NOP9: variants seen among roughly 807,000 people sequenced by gnomAD.
The protein encoded by NOP9 is nucleolar protein 9.
A neutral mutation model predicts 63.0 loss-of-function variants in NOP9; 50 were observed. The observed-to-expected ratio is 0.79, with a 90% CI of 0.63 to 1.00. The LOEUF is 1.00. Ranked by LOEUF, NOP9 falls within the 50% of genes least tolerant of loss-of-function variation. The pLI is 0.00. For synonymous variants in NOP9, 343 were observed against 332.8 expected, an observed-to-expected ratio of 1.03 and a Z score of -0.33; for missense variants, 758 against 803.0, an observed-to-expected ratio of 0.94 and a Z score of 0.68.
At chr14:24,295,554 A>G (rs2041235316), upstream of NOP9, among the ~76,000 whole-genome samples, 1 of 152,212 alleles carries the variant, frequency 6.6e-6, no homozygotes, top group Non-Finnish European at 1.5e-5. Flanking sequence ...TCAGGGCCCA[A>G]GGTCGAGGGT....
In NOP9 at chr14:24,307,960, C is replaced by T. The variant is rs1443019455; in HGVS notation, c.*2865C>T. 8.9e-7 allele frequency: 1 copy of T among 1,118,378 alleles called. No homozygotes were observed. The allele number at this position is 1,118,378 out of a possible 1,614,324, so 69.3% of individuals were successfully genotyped here. A position where few individuals can be genotyped will look rare whatever the true frequency, so the allele number is the denominator to read the frequency against. On this transcript the variant is annotated 3_prime_UTR_variant, in exon 10 of 10. Coordinates refer to ENST00000267425, the MANE Select transcript of NOP9 (RefSeq NM_174913.3). The stretch of plus-strand genomic sequence containing the variant: ...TCTGTTACAAACCTGGGATCTCAGC[C>T]CAGGACAAGGTGGGAATGAGTCAAG...
At chr14:24,297,446 C>T (rs2041269953), upstream of NOP9, among the ~76,000 whole-genome samples, 1 of 152,206 alleles carries the variant, frequency 6.6e-6, no homozygotes, top group African/African-American at 2.4e-5. Flanking sequence ...AAGAAGAGTC[C>T]TTTATCTAAG....
rs2041518135 is a variant in NOP9 at position 24,306,632 on chromosome 14, T to C, written c.*1537T>C. On this transcript the variant is annotated 3_prime_UTR_variant, in exon 10 of 10. Coordinates refer to ENST00000267425, the MANE Select transcript of NOP9 (RefSeq NM_174913.3). ...CTAGACATTGGTCGATGTCCCACTT[T>C]GACTTTCCGGCACTTTGATACCTCC... 1 of 1,428,608 alleles carries C rather than the reference T, an allele frequency of 7.0e-7. No individual in the cohort carries two copies. 88.5% of individuals were successfully genotyped at this position (1,428,608 alleles called of 1,614,324 possible).
At chr14:24,282,285 G>A in the NOP9 span, among the ~76,000 whole-genome samples, 5 of 152,176 alleles carry the variant, frequency 3.3e-5, no homozygotes, top group African/African-American at 7.2e-5. Flanking sequence ...AGATTTGGTC[G>A]AATCCAGACT....
upstream of NOP9, chr14:24,298,710 G>C (rs1246304824): frequency 1.2e-5 from 5 of 432,302 alleles, no homozygotes; most frequent in Non-Finnish European, 2.1e-5. Context: ...CGGAGTAGCT[G>C]CTGGGACTGC....
At chr14:24,285,179 T>C in the NOP9 span, among the ~76,000 whole-genome samples, 2 of 152,242 alleles carry the variant, frequency 1.3e-5, no homozygotes, top group Non-Finnish European at 2.9e-5. Context: ...GGCATCTCCA[T>C]GTGACATGCA....
chr14:24,288,654 T>C, the NOP9 span, among the ~76,000 whole-genome samples: 1 of 152,056 alleles, frequency 6.6e-6, no homozygotes, highest in African/African-American at 2.4e-5. Flanking sequence ...GACCAGGAAT[T>C]GACAATTTCG....
Position 24,307,007 on chromosome 14 carries a change from T to G in NOP9, c.*1912T>G. The G allele has an allele frequency of 4.0e-6, 1 of 248,566 alleles. No homozygotes were observed. The allele number at this position is 248,566 out of a possible 1,614,324, so 15.4% of individuals were successfully genotyped here. A position where few individuals can be genotyped will look rare whatever the true frequency, so the allele number is the denominator to read the frequency against. ...GAGGTGATGTATTATTATTGCCTTT[T>G]TATAGTTGAAGAAACTGAGGTTTTG... On this transcript the variant is annotated 3_prime_UTR_variant, in exon 10 of 10. Transcript: ENST00000267425.
chr14:24,286,912 CAG>C, the NOP9 span, among the ~76,000 whole-genome samples: 2 of 151,322 alleles, frequency 1.3e-5, no homozygotes, highest in African/African-American at 4.9e-5. Flanking sequence ...TATTTTTAGA[CAG>C]AGTCTTGCTC....
At chr14:24,284,816 C>A in the NOP9 span, among the ~76,000 whole-genome samples, 1 of 152,092 alleles carries the variant, frequency 6.6e-6, no homozygotes, top group African/African-American at 2.4e-5. Flanking sequence ...TGGGCCCAGC[C>A]GCCTGCCTGG....
chr14:24,292,172 C>G, the NOP9 span: 9 of 1,614,120 alleles, frequency 5.6e-6, no homozygotes, highest in Non-Finnish European at 7.6e-6. Context: ...CCTTCGCCCT[C>G]CCCTTGCCAA....
In NOP9 at chr14:24,305,894, T is replaced by C. The variant is rs2041487563; in HGVS notation, c.*799T>C. ...TAGGTGGGTGCAAGAGGACGAATTA[T>C]GGGGACTATCCAACTGTAGGGGATG... On this transcript the variant is annotated 3_prime_UTR_variant, in exon 10 of 10. Transcript: ENST00000267425. The C allele has an allele frequency of 1.3e-6, 2 of 1,589,000 alleles. No individual in the cohort carries two copies. The highest frequency in any genetic ancestry group is 1.7e-6 in the Non-Finnish European group (2 of 1,164,500).
chr14:24,292,409 A>G, the NOP9 span: 2 of 1,582,136 alleles, frequency 1.3e-6, no homozygotes, highest in Admixed American at 1.7e-5. Context: ...TTCTACTGTG[A>G]ATGCTCCACC....
chr14:24,277,485 G>A, the NOP9 span, among the ~76,000 whole-genome samples: 1 of 152,124 alleles, frequency 6.6e-6, no homozygotes, highest in Non-Finnish European at 1.5e-5. Context: ...AGGGTGTGGG[G>A]TGGAGAAGCC....
the NOP9 span, among the ~76,000 whole-genome samples, chr14:24,286,103 G>T: frequency 3.3e-5 from 5 of 152,224 alleles, no homozygotes; most frequent in African/African-American, 1.2e-4. Flanking sequence ...CAGTTGGGGC[G>T]GGGCTGCATC....
chr14:24,297,162 A>G (rs528760878), upstream of NOP9, among the ~76,000 whole-genome samples: 85 of 152,348 alleles, frequency 5.6e-4, no homozygotes, highest in South Asian at 1.2e-3. Context: ...GTACTTTGCA[A>G]GTAGAGGGTA....
At position 24,305,595 on chromosome 14, in the gene NOP9, C is replaced by T. The variant is rs368438785; in HGVS notation, c.*500C>T. The T allele has an allele frequency of 1.9e-5, 30 of 1,591,992 alleles. No individual in the cohort carries two copies. Among genetic ancestry groups the T allele is most frequent in the African/African-American group, 1.1e-4 (8 of 74,200 alleles). ...TGCTGTCATAGTCTTTGCAGTGGGTCGGTTGGAATGATTCTGGGGGCAGAA... is the reference window on the plus strand; with the variant it reads ...TGCTGTCATAGTCTTTGCAGTGGGTTGGTTGGAATGATTCTGGGGGCAGAA... On this transcript the variant is annotated 3_prime_UTR_variant, in exon 10 of 10. Coordinates refer to ENST00000267425, the MANE Select transcript of NOP9 (RefSeq NM_174913.3).
chr14:24,304,494 G>T lies in NOP9; in HGVS notation c.1649G>T (p.Gly550Val). ...LRRRVLQNLK[G>V]QYVALACSRH... is the part of the protein sequence containing the mutation. ...CCTACTTTGCTTGTCTCCATACAGG[G>T]ACAATATGTGGCTCTGGCCTGTAGT... Residue 550 changes from glycine to valine, a missense_variant and splice_region_variant, in exon 9 of 10, where the codon GGA becomes GTA. By Grantham distance (109) the Gly-to-Val change is moderately radical. Coordinates refer to ENST00000267425, the MANE Select transcript of NOP9 (RefSeq NM_174913.3). 2.5e-6 allele frequency: 4 copies of T among 1,606,618 alleles called. No individual in the cohort carries two copies. The Middle Eastern group carries it at 5.0e-4, about 200-fold the overall frequency.
At chr14:24,271,471 C>G in the NOP9 span, 8 of 209,252 alleles carry the variant, frequency 3.8e-5, no homozygotes, top group Admixed American at 5.9e-5. Flanking sequence ...CCCCCGCCCC[C>G]CGCGGGCGGA....
Sources: allele counts gnomAD v4.1 joint callset (sites outside exome capture counted in the v4.1 genomes callset), GRCh38; gene constraint gnomAD v4.1.1; transcripts MANE v1.5; gene names NCBI Gene and HGNC (gene_info 2026-07-23, HGNC 2026-07-21).